The following ATAD2B variants were observed in gnomAD, a reference collection of about 807,000 sequenced individuals.
The protein encoded by ATAD2B is ATPase family AAA domain-containing protein 2B.
Under a neutral mutation model 167.6 loss-of-function variants are expected in ATAD2B, and 40 were observed. The ratio of observed to expected loss-of-function variants is 0.24; its 90% confidence interval spans 0.19 to 0.31. ATAD2B has a LOEUF of 0.31. Among genes scored for constraint, ATAD2B ranks in the 10% least tolerant of loss-of-function variants. ATAD2B has a pLI of 1.00. For missense variants in ATAD2B, 1,242 were observed against 1,757.2 expected (o/e 0.71, Z 5.24); for synonymous variants, 579 against 596.5 (o/e 0.97, Z 0.43).
intron 21 of ATAD2B, 75 bp from the exon 22 acceptor site, chr2:23,783,103 AC>A (rs1680295110): frequency 6.6e-6 from 5 of 763,168 alleles, no homozygotes; most frequent in Non-Finnish European, 9.7e-6. Context: ...CAAAATAAAA[AC>A]AAAGTTCTTT....
intron 15 of ATAD2B, among the ~76,000 whole-genome samples, chr2:23,824,647 A>G (rs989826377): frequency 3.9e-5 from 6 of 152,230 alleles, no homozygotes; most frequent in African/African-American, 1.4e-4. Flanking sequence ...GGTTATACCA[A>G]CATAAGGTAT....
At chr2:23,693,306 G>A in the ATAD2B span, 3 of 1,548,370 alleles carry the variant, frequency 1.9e-6, no homozygotes, top group South Asian at 3.6e-5. Flanking sequence ...TGGGCGTGCT[G>A]GCCATGGCCG....
At chr2:23,882,546 T>A (rs1297935216) in intron 6 of ATAD2B, among the ~76,000 whole-genome samples, 1 of 146,202 alleles carries the variant, frequency 6.8e-6, no homozygotes, top group African/African-American at 2.5e-5. Flanking sequence ...CAGTGGCTCA[T>A]GCCTATAATC....
At chr2:23,859,803 C>A (rs1335991049) in intron 12 of ATAD2B, among the ~76,000 whole-genome samples, 1 of 150,740 alleles carries the variant, frequency 6.6e-6, no homozygotes, top group Non-Finnish European at 1.5e-5. Flanking sequence ...CAAAAATTAG[C>A]CACGCGTGGC....
At chr2:23,765,364 C>T in intron 23 of ATAD2B, 142 bp downstream of exon 23, 1 of 672,212 alleles carries the variant, frequency 1.5e-6, no homozygotes, top group Non-Finnish European at 2.1e-6. Context: ...ATTTACATAA[C>T]ACATTAGTAT....
intron 19 of ATAD2B, among the ~76,000 whole-genome samples, chr2:23,794,884 C>G (rs1682357535): frequency 6.6e-6 from 1 of 151,682 alleles, no homozygotes; most frequent in African/African-American, 2.4e-5. Flanking sequence ...CCCCAGTATC[C>G]CAATGCACAA....
chr2:23,765,031 A>T (rs909626172), intron 23 of ATAD2B, among the ~76,000 whole-genome samples: 2 of 152,238 alleles, frequency 1.3e-5, no homozygotes, highest in African/African-American at 4.8e-5. Context: ...CTCCTACTAA[A>T]ATGTGAGTTC....
At chr2:23,896,116 G>A in intron 1 of ATAD2B, 146 bp from the exon 2 acceptor site, 3 of 406,556 alleles carry the variant, frequency 7.4e-6, no homozygotes, top group African/African-American at 2.2e-5. Flanking sequence ...AGGAGTTCAA[G>A]ACCAGACTGG....
At chr2:23,864,668 A>G in intron 11 of ATAD2B, 141 bp downstream of exon 11, 2 of 455,972 alleles carry the variant, frequency 4.4e-6, no homozygotes, top group Non-Finnish European at 7.7e-6. Flanking sequence ...ACCCTAAACA[A>G]TAACATTTCA....
At chr2:23,827,060 G>A (rs994567391) in intron 15 of ATAD2B, among the ~76,000 whole-genome samples, 10 of 151,888 alleles carry the variant, frequency 6.6e-5, no homozygotes, top group Non-Finnish European at 1.0e-4. Context: ...ACTATTTCAC[G>A]CCCGTTTGAA....
chr2:23,869,707 GC>G lies in ATAD2B; in HGVS notation c.1031del (p.Arg344ProfsTer20). On this transcript the variant is annotated frameshift_variant, in exon 9 of 28. Coordinates refer to ENST00000238789, the MANE Select transcript of ATAD2B (RefSeq NM_017552.4). LOFTEE classifies it high-confidence loss of function. ...SSDTTSSDEE[R>X]FERRKSKSMA... The stretch of plus-strand genomic sequence containing the variant: ...TGCTCTTTGATTTCCTTCTTTCAAA[GC>G]GTTCCTCATCAGAAGAAGTTGTGTC... 1 of 1,568,802 alleles carries G rather than the reference GC, an allele frequency of 6.4e-7. No homozygotes were observed.
chr2:23,741,398 A>G, the ATAD2B span, among the ~76,000 whole-genome samples: 1 of 152,150 alleles, frequency 6.6e-6, no homozygotes, highest in African/African-American at 2.4e-5. Flanking sequence ...AAATAATGCC[A>G]CATATCTACA....
chr2:23,909,437 T>TAC (rs373908326), intron 1 of ATAD2B, among the ~76,000 whole-genome samples: 1 of 140,652 alleles, frequency 7.1e-6, no homozygotes, highest in Non-Finnish European at 1.6e-5. Context: ...CATACATACA[T>TAC]ACATATATAT....
At chr2:23,683,370 G>C in the ATAD2B span, among the ~76,000 whole-genome samples, 1 of 152,268 alleles carries the variant, frequency 6.6e-6, no homozygotes, top group Admixed American at 6.5e-5. Flanking sequence ...ATTAAGGGCA[G>C]GCTTTGCCCA....
chr2:23,694,579 G>A, the ATAD2B span, among the ~76,000 whole-genome samples: 3 of 152,096 alleles, frequency 2.0e-5, no homozygotes, highest in Non-Finnish European at 4.4e-5. Flanking sequence ...GCATGAGCAT[G>A]AGCTGGCCTC....
chr2:23,822,061 T>A (rs1019672832), intron 16 of ATAD2B, among the ~76,000 whole-genome samples: 2 of 152,296 alleles, frequency 1.3e-5, no homozygotes, highest in African/African-American at 4.8e-5. Context: ...TCTTATTTAC[T>A]CCCTTACCAA....
At position 23,926,929 on chromosome 2, in the gene ATAD2B, C is replaced by A; in HGVS notation, c.-159G>T. 1.1e-6 allele frequency: 1 copy of A among 886,264 alleles called. No homozygotes were observed. The highest frequency in any genetic ancestry group is 1.6e-6 in the Non-Finnish European group (1 of 621,684). The allele number at this position is 886,264 out of a possible 1,614,324, so 54.9% of individuals were successfully genotyped here. ...CAGACGAGCACAAGAGAGAGCCGGG[C>A]AGAGGAAGGGAAGTCGGCGTGAGCA... On this transcript the variant is annotated 5_prime_UTR_variant, in exon 1 of 28. Coordinates refer to ENST00000238789, the MANE Select transcript of ATAD2B (RefSeq NM_017552.4).
chr2:23,896,985 C>G (rs1010230087), intron 1 of ATAD2B, among the ~76,000 whole-genome samples: 1 of 152,044 alleles, frequency 6.6e-6, no homozygotes, highest in African/African-American at 2.4e-5. Flanking sequence ...TTTTAAAAAG[C>G]CAGGTGTGGT....
chr2:23,838,946 T>C (rs147363244), intron 13 of ATAD2B, among the ~76,000 whole-genome samples: 1 of 152,312 alleles, frequency 6.6e-6, no homozygotes, highest in Admixed American at 6.5e-5. Flanking sequence ...TTTCCATTTA[T>C]TTAATCTTTA....
Sources: allele counts gnomAD v4.1 joint callset (sites outside exome capture counted in the v4.1 genomes callset), GRCh38; gene constraint gnomAD v4.1.1; transcripts MANE v1.5; gene names NCBI Gene and HGNC (gene_info 2026-07-23, HGNC 2026-07-21).